MBNL2: variants seen among roughly 807,000 people sequenced by gnomAD.
MBNL2 encodes muscleblind like splicing regulator 2.
MBNL2 carries 17 observed loss-of-function variants against 41.9 expected under a neutral mutation model. The observed-to-expected ratio is 0.41, with a 90% CI of 0.28 to 0.61. The LOEUF (loss-of-function observed/expected upper bound fraction) is 0.61. Ranked by LOEUF, MBNL2 falls within the 20% of genes least tolerant of loss-of-function variation. The pLI, the probability that MBNL2 is intolerant of heterozygous loss-of-function variation, is 0.35. For missense variants in MBNL2, 336 were observed against 505.6 expected (o/e 0.66, Z 3.22); for synonymous variants, 195 against 182.9 (o/e 1.07, Z -0.53).
chr13:97,169,106 G>A, the MBNL2 span, among the ~76,000 whole-genome samples: 4 of 152,258 alleles, frequency 2.6e-5, no homozygotes, highest in South Asian at 6.2e-4. Flanking sequence ...GGTGTGCTCA[G>A]AGATGCCCTC....
intron 8 of MBNL2, among the ~76,000 whole-genome samples, chr13:97,374,302 T>C (rs1183470545): frequency 4.1e-5 from 6 of 145,378 alleles, no homozygotes; most frequent in Admixed American, 6.8e-5. Flanking sequence ...CGCCCGCCAC[T>C]ACGCCCAGCT....
the MBNL2 span, among the ~76,000 whole-genome samples, chr13:97,148,845 G>A: frequency 6.6e-6 from 1 of 152,168 alleles, no homozygotes; most frequent in Admixed American, 6.5e-5. Flanking sequence ...GTAAAAGTGG[G>A]TTAATTAGTT....
chr13:97,318,780 T>TTAAACTTA (rs2059262884), intron 2 of MBNL2, among the ~76,000 whole-genome samples: 4 of 152,156 alleles, frequency 2.6e-5, no homozygotes, highest in Admixed American at 2.6e-4. Context: ...GAGGAAGTAA[T>TTAAACTTA]GTCATAGCTC....
At chr13:97,196,048 C>T in the MBNL2 span, among the ~76,000 whole-genome samples, 4 of 152,142 alleles carry the variant, frequency 2.6e-5, no homozygotes, top group East Asian at 1.9e-4. Context: ...TTACCCTTGC[C>T]GTGTCTCATA....
chr13:97,195,169 C>T, the MBNL2 span, among the ~76,000 whole-genome samples: 1 of 152,150 alleles, frequency 6.6e-6, no homozygotes, highest in African/African-American at 2.4e-5. Context: ...AATCTGGAGG[C>T]GACCTCTCGA....
rs1328716141 is a variant in MBNL2 at position 97,346,488 on chromosome 13, G to A, written c.541-316G>A. On this transcript the variant is annotated intron_variant, in intron 4 of 8. Coordinates refer to ENST00000679496, the MANE Select transcript of MBNL2 (RefSeq NM_001382683.1). This position sits in a 1 kb window ranked among gnomAD's most constrained non-coding sequence, Gnocchi z 4.2. The stretch of plus-strand genomic sequence containing the variant: ...GGATAGACAGACAGACAGATCGATA[G>A]ACAGCTGCATAATATGCTACCCAGG... Among the ~76,000 whole-genome samples, 1 of 152,228 alleles carries A rather than the reference G, an allele frequency of 6.6e-6. No individual in the cohort carries two copies. The highest frequency in any genetic ancestry group is 1.5e-5 in the Non-Finnish European group (1 of 68,038).
intron 2 of MBNL2, among the ~76,000 whole-genome samples, chr13:97,304,585 A>G (rs1974085): frequency 0.71 from 108,405 of 152,040 alleles, 38,854 homozygotes; most frequent in African/African-American, 0.79. Context: ...TAAAGACTTG[A>G]TTTTGGATCC....
At chr13:97,152,857 G>C in the MBNL2 span, among the ~76,000 whole-genome samples, 1 of 152,100 alleles carries the variant, frequency 6.6e-6, no homozygotes, top group Non-Finnish European at 1.5e-5. Context: ...AAGTAATCAA[G>C]TACAGACAGG....
chr13:97,253,871 T>C (rs1391725464), intron 1 of MBNL2, among the ~76,000 whole-genome samples: 1 of 152,126 alleles, frequency 6.6e-6, no homozygotes, highest in East Asian at 1.9e-4. Flanking sequence ...TGCTGAATTT[T>C]TTTTTTTAGG....
chr13:97,170,915 C>T, the MBNL2 span, among the ~76,000 whole-genome samples: 9 of 152,114 alleles, frequency 5.9e-5, no homozygotes, highest in Non-Finnish European at 1.3e-4. Context: ...AAACATGTCT[C>T]CCAAAGCTAT....
chr13:97,205,441 G>C, the MBNL2 span, among the ~76,000 whole-genome samples: 1 of 152,004 alleles, frequency 6.6e-6, no homozygotes, highest in East Asian at 1.9e-4. Context: ...ACAGAGTAAA[G>C]TTCTGCATAT....
chr13:97,190,332 G>A, the MBNL2 span, among the ~76,000 whole-genome samples: 14 of 152,194 alleles, frequency 9.2e-5, no homozygotes, highest in Non-Finnish European at 1.9e-4. Flanking sequence ...CTCCCTTCCC[G>A]TTGGATGGCA....
At chr13:97,367,179 ACT>A (rs1299335543) in intron 8 of MBNL2, among the ~76,000 whole-genome samples, 2 of 152,280 alleles carry the variant, frequency 1.3e-5, no homozygotes, top group East Asian at 3.9e-4. Context: ...GGAGCATTTA[ACT>A]CTGTTGGTTT....
At chr13:97,159,851 T>G in the MBNL2 span, among the ~76,000 whole-genome samples, 1 of 151,706 alleles carries the variant, frequency 6.6e-6, no homozygotes, top group Admixed American at 6.6e-5. Flanking sequence ...ATTTCAACTT[T>G]GGTGAATCTG....
chr13:97,252,484 A>AT (rs1464157777), intron 1 of MBNL2, among the ~76,000 whole-genome samples: 1 of 152,212 alleles, frequency 6.6e-6, no homozygotes, highest in Non-Finnish European at 1.5e-5. Flanking sequence ...AAGAACTAAT[A>AT]TTTTTAGATG....
chr13:97,230,444 C>G (rs1323564382), intron 1 of MBNL2, among the ~76,000 whole-genome samples: 1 of 152,140 alleles, frequency 6.6e-6, no homozygotes, highest in South Asian at 2.1e-4. Context: ...AAACATTTGA[C>G]AATGTGGGAA....
At chr13:97,146,377 A>T in the MBNL2 span, among the ~76,000 whole-genome samples, 1 of 152,186 alleles carries the variant, frequency 6.6e-6, no homozygotes, top group Non-Finnish European at 1.5e-5. Context: ...CACTTCACTA[A>T]CATTCCATCC....
chr13:97,353,773 A>C (rs1327323464), intron 5 of MBNL2, among the ~76,000 whole-genome samples: 1 of 152,154 alleles, frequency 6.6e-6, no homozygotes, highest in Non-Finnish European at 1.5e-5. Context: ...CATACATCAA[A>C]ATGGAATGAC....
chr13:97,378,344 CTAACTTATGTATGG>C, intron 8 of MBNL2, among the ~76,000 whole-genome samples: 1 of 152,248 alleles, frequency 6.6e-6, no homozygotes, highest in East Asian at 1.9e-4. Flanking sequence ...AATATGTTTA[CTAACTTATGTATGG>C]TAACATATCT....
Sources: allele counts gnomAD v4.1 joint callset (sites outside exome capture counted in the v4.1 genomes callset), GRCh38; gene constraint gnomAD v4.1.1; non-coding constraint Gnocchi (gnomAD v3.1); transcripts MANE v1.5; gene names NCBI Gene and HGNC (gene_info 2026-07-23, HGNC 2026-07-21).